The following PCDHGB3 variants were observed in gnomAD, a reference collection of about 807,000 sequenced individuals.
The protein encoded by PCDHGB3 is protocadherin gamma-B3.
PCDHGB3 carries 40 observed loss-of-function variants against 59.2 expected under a neutral mutation model. That is an observed-to-expected ratio of 0.68 (90% CI 0.52 to 0.88). The LOEUF is 0.88. Among genes scored for constraint, PCDHGB3 ranks in the 40% least tolerant of loss-of-function variants. The probability of loss-of-function intolerance (pLI) is 0.00; values close to 1 mark genes in which losing one functional copy is unlikely to be tolerated. For synonymous variants in PCDHGB3, 581 were observed against 503.6 expected (o/e 1.15, Z -2.06); for missense variants, 1,309 against 1,187.9 (o/e 1.10, Z -1.50).
Position 141,476,642 on chromosome 5 carries a change from C to G in PCDHGB3, c.2416-18165C>G. 6.2e-7 allele frequency: 1 copy of G among 1,614,240 alleles called. No homozygotes were observed. The highest frequency in any genetic ancestry group is 8.5e-7 in the Non-Finnish European group (1 of 1,180,050). ...CTCTTTACAAACCTATGAGCTGAGC[C>G]GAAATGAATACTTTGCGCTTCGCGT... On this transcript the variant is annotated intron_variant, in intron 1 of 3. Transcript: ENST00000576222. This position sits in a 1 kb window ranked among gnomAD's most constrained non-coding sequence, Gnocchi z 7.6.
At chr5:141,501,355 A>G (rs936121172) in intron 2 of PCDHGB3, among the ~76,000 whole-genome samples, 4 of 151,760 alleles carry the variant, frequency 2.6e-5, no homozygotes, top group African/African-American at 9.7e-5. Flanking sequence ...ATAGGGCAAG[A>G]ACCATATTCA....
In PCDHGB3 at chr5:141,370,361, T is replaced by G. The variant is rs747397059; in HGVS notation, c.-34T>G. ...GGGATTATTTAAAGATCTCCTCTCC[T>G]CGGATTTAGAAAGGCAAAGGCGCAG... On this transcript the variant is annotated 5_prime_UTR_variant, in exon 1 of 4. Transcript: ENST00000576222. 1.4e-5 allele frequency: 22 copies of G among 1,517,974 alleles called. No individual in the cohort carries two copies. The highest frequency in any genetic ancestry group is 1.7e-5 in the Non-Finnish European group (19 of 1,134,578). 94.0% of individuals were successfully genotyped at this position (1,517,974 alleles called of 1,614,324 possible).
rs934206266 is a variant in PCDHGB3, at chr5:141,483,131, G to A, written c.2416-11676G>A. Among the ~76,000 whole-genome samples, 14 of 152,274 alleles carry A rather than the reference G, an allele frequency of 9.2e-5. No individual in the cohort carries two copies. The South Asian group carries it at 2.9e-3, about 32-fold the overall frequency. On this transcript the variant is annotated intron_variant, in intron 1 of 3. Transcript: ENST00000576222. ...AACAGACAGTCTTTGTAGGAGATGA[G>A]GTGAAGCAAGTAGGCAGGAGTTAGA...
intron 1 of PCDHGB3, chr5:141,375,132 C>T (rs1771158869): frequency 6.2e-7 from 1 of 1,613,952 alleles, no homozygotes; most frequent in Non-Finnish European, 8.5e-7. Flanking sequence ...GTGGTTGTTA[C>T]ATCTGGAAGC....
chr5:141,419,264 G>T (rs2096351955), intron 1 of PCDHGB3: 1 of 1,614,036 alleles, frequency 6.2e-7, no homozygotes, highest in Non-Finnish European at 8.5e-7. Context: ...CCAGCCGGGT[G>T]CCTCCATAGC....
chr5:141,502,491 T>G lies in PCDHGB3; in HGVS notation c.2475-2902T>G, dbSNP rs557202239. Among the ~76,000 whole-genome samples, 1,415 of 152,344 alleles carry G rather than the reference T, an allele frequency of 9.3e-3. 29 individuals carry two copies. The highest frequency in any genetic ancestry group is 0.033 in the African/African-American group (1,352 of 41,578). ...TCCCGCAGCATCACACTGGGACTCA[T>G]CTAACGTCGGCCTGTCCCACTATCA... is the stretch of plus-strand genomic sequence containing the variant. On this transcript the variant is annotated intron_variant, in intron 2 of 3. Transcript: ENST00000576222.
chr5:141,423,210 C>A (rs954945082), intron 1 of PCDHGB3: 2 of 1,613,578 alleles, frequency 1.2e-6, no homozygotes, highest in East Asian at 4.5e-5. Flanking sequence ...CCGTCACGCT[C>A]ACCGTGGCTG....
chr5:141,433,245 A>C, intron 1 of PCDHGB3: 3 of 1,459,776 alleles, frequency 2.1e-6, no homozygotes, highest in Non-Finnish European at 2.8e-6. Context: ...CCAAGCTGGA[A>C]TGCAGCGGTA....
intron 1 of PCDHGB3, among the ~76,000 whole-genome samples, chr5:141,443,772 C>T (rs1284723564): frequency 6.6e-6 from 1 of 151,568 alleles, no homozygotes; most frequent in Non-Finnish European, 1.5e-5. Context: ...TACAATATTA[C>T]CAAAAAGACA....
rs762306215 is a variant in PCDHGB3 at position 141,374,474 on chromosome 5, C to A, written c.2415+1665C>A. On this transcript the variant is annotated intron_variant, in intron 1 of 3. Transcript: ENST00000576222. ...AATAGTGGACATTAATGACAATACA[C>A]CCCGATTCTTAAAGGAAGAATTGGA... 3.7e-6 allele frequency: 6 copies of A among 1,612,140 alleles called. No individual in the cohort carries two copies. In the African/African-American group the frequency reaches 4.0e-5, roughly 11 times the overall value.
intron 1 of PCDHGB3, among the ~76,000 whole-genome samples, chr5:141,482,257 T>C (rs2099555476): frequency 1.3e-5 from 2 of 152,156 alleles, no homozygotes; most frequent in Admixed American, 1.3e-4. Context: ...ACTGTACATA[T>C]TAGTTGTTTA....
At position 141,399,508 on chromosome 5, in the gene PCDHGB3, A is replaced by C. The variant is rs780948105; in HGVS notation, c.2415+26699A>C. ...CTACTTAGTCAGTGTACCCGAAAAC[A>C]ACCCTCCTGGGGCCTCCATCGCGCA... On this transcript the variant is annotated intron_variant, in intron 1 of 3. Coordinates refer to ENST00000576222, the MANE Select transcript of PCDHGB3 (RefSeq NM_018924.5). 3.2e-5 allele frequency: 51 copies of C among 1,613,904 alleles called. No homozygotes were observed. In the African/African-American group the frequency reaches 6.7e-4, roughly 21 times the overall value.
intron 1 of PCDHGB3, chr5:141,416,850 T>C (rs2096064812): frequency 6.6e-6 from 1 of 151,902 alleles, no homozygotes; most frequent in South Asian, 2.1e-4. Flanking sequence ...AATTCCATGA[T>C]TTTTTTCAGG....
intron 1 of PCDHGB3, among the ~76,000 whole-genome samples, chr5:141,451,985 A>G (rs1460304088): frequency 6.6e-6 from 1 of 152,202 alleles, no homozygotes; most frequent in Non-Finnish European, 1.5e-5. Context: ...TAGTTTGTTC[A>G]TTAGAAGCAA....
At position 141,432,299 on chromosome 5, in the gene PCDHGB3, C is replaced by G; in HGVS notation, c.2415+59490C>G. ...GTCCATCAACTCCGACACTGGGGTA[C>G]TGTATGCGCTGAGCTCCTTCGACTA... is the stretch of plus-strand genomic sequence containing the variant. On this transcript the variant is annotated intron_variant, in intron 1 of 3. Transcript: ENST00000576222. This position sits in a 1 kb window ranked among gnomAD's most constrained non-coding sequence, Gnocchi z 6.0. The G allele has an allele frequency of 2.5e-6, 4 of 1,614,278 alleles. No homozygotes were observed. The highest frequency in any genetic ancestry group is 3.4e-6 in the Non-Finnish European group (4 of 1,180,056).
chr5:141,408,878 G>A lies in PCDHGB3; in HGVS notation c.2415+36069G>A. The stretch of plus-strand genomic sequence containing the variant: ...AGGGGACCCACCAAGAAGTGCCACC[G>A]CTCACATAGAAATTTCTGTCAAGGA... On this transcript the variant is annotated intron_variant, in intron 1 of 3. Coordinates refer to ENST00000576222, the MANE Select transcript of PCDHGB3 (RefSeq NM_018924.5). 1.9e-6 allele frequency: 3 copies of A among 1,613,048 alleles called. No homozygotes were observed. Among genetic ancestry groups the A allele is most frequent in the Non-Finnish European group, 1.7e-6 (2 of 1,179,590 alleles).
chr5:141,390,874 G>C (rs2092257325), intron 1 of PCDHGB3: 1 of 153,302 alleles, frequency 6.5e-6, no homozygotes, highest in Non-Finnish European at 1.4e-5. Context: ...GTGCGTGTGT[G>C]TGTGTGTGTG....
chr5:141,488,014 C>T (rs2099670661), intron 1 of PCDHGB3, among the ~76,000 whole-genome samples: 1 of 152,120 alleles, frequency 6.6e-6, no homozygotes, highest in South Asian at 2.1e-4. Context: ...TCTGAAGTAC[C>T]TTAACTCTAG....
intron 1 of PCDHGB3, chr5:141,422,759 A>G (rs2096670710): frequency 6.2e-7 from 1 of 1,613,252 alleles, no homozygotes; most frequent in Non-Finnish European, 8.5e-7. Flanking sequence ...ATTAACTCCA[A>G]CACTGGTGTT....
Sources: gnomAD v4.1 joint callset for allele counts (sites outside exome capture counted in the v4.1 genomes callset) on GRCh38, gnomAD v4.1.1 for gene constraint, Gnocchi (gnomAD v3.1) non-coding constraint, MANE v1.5 for transcripts, NCBI Gene and HGNC (gene_info 2026-07-23, HGNC 2026-07-21) for gene names.